TXNIP: variants seen among roughly 807,000 people sequenced by gnomAD.
TXNIP encodes thioredoxin-interacting protein.
TXNIP carries 23 observed loss-of-function variants against 43.9 expected under a neutral mutation model. The observed-to-expected ratio is 0.52, with a 90% CI of 0.38 to 0.74. The LOEUF (loss-of-function observed/expected upper bound fraction) is 0.74. Among genes scored for constraint, TXNIP ranks in the 30% least tolerant of loss-of-function variants. The probability of loss-of-function intolerance (pLI) is 0.00; values close to 1 mark genes in which losing one functional copy is unlikely to be tolerated. For missense variants in TXNIP, 555 were observed against 485.4 expected, an observed-to-expected ratio of 1.14 and a Z score of -1.35; for synonymous variants, 234 against 172.2, an observed-to-expected ratio of 1.36 and a Z score of -2.81.
In TXNIP at chr1:145,993,807, A is replaced by G. The variant is rs1553765761; in HGVS notation, c.*44T>C. The G allele has an allele frequency of 1.2e-6, 2 of 1,612,334 alleles. No homozygotes were observed. The highest frequency in any genetic ancestry group is 1.7e-6 in the Non-Finnish European group (2 of 1,178,746). ...AAAGTGAGTGTCCAGGAAGAGAGAC[A>G]AAAAGAAACAAGTAGGTAAAGCTGC... On this transcript the variant is annotated 3_prime_UTR_variant, in exon 8 of 8. Coordinates refer to ENST00000582401, the MANE Select transcript of TXNIP (RefSeq NM_006472.6).
chr1:145,994,654 G>C lies in TXNIP; in HGVS notation c.721C>G (p.His241Asp). The change falls in exon 5 of 8, where the codon CAT becomes GAT. Residue 241 changes from histidine to aspartate, a missense_variant. By Grantham distance (81) the His-to-Asp change is moderately conservative. Transcript: ENST00000582401. The part of the protein sequence containing the change: ...TQKLSSVRGN[H>D]IISGTCASWR... ...GATGCGCATGTCCCTGAGATAATATGATTGCCTCTGACTGATGACAACTTC... is the reference window on the plus strand; with the variant it reads ...GATGCGCATGTCCCTGAGATAATATCATTGCCTCTGACTGATGACAACTTC... The C allele has an allele frequency of 6.2e-7, 1 of 1,614,190 alleles. No individual in the cohort carries two copies. Among genetic ancestry groups the C allele is most frequent in the Non-Finnish European group, 8.5e-7 (1 of 1,180,042 alleles).
In TXNIP at chr1:145,996,273, A is replaced by G; in HGVS notation, c.-7T>C. 6.2e-7 allele frequency: 1 copy of G among 1,612,504 alleles called. No homozygotes were observed. The highest frequency in any genetic ancestry group is 8.5e-7 in the Non-Finnish European group (1 of 1,178,786). ...TCTTCTTGAACATCACCATGATGGA[A>G]CTGAGTTGGTTTTAAGAGTTAGAAA... On this transcript the variant is annotated 5_prime_UTR_variant, in exon 1 of 8. Coordinates refer to ENST00000582401, the MANE Select transcript of TXNIP (RefSeq NM_006472.6).
At position 145,995,950 on chromosome 1, in the gene TXNIP, G is replaced by C. The variant is rs1275603080; in HGVS notation, c.250+67C>G. 9.5e-6 allele frequency: 15 copies of C among 1,573,510 alleles called. No individual in the cohort carries two copies. In the African/African-American group the frequency reaches 1.6e-4, roughly 17 times the overall value. On this transcript the variant is annotated intron_variant, in intron 1 of 7. Coordinates refer to ENST00000582401, the MANE Select transcript of TXNIP (RefSeq NM_006472.6). ...TGAGCAACTTAAAACATTTCGTACA[G>C]GTTTTGTGTATTCAATTCTCTTCTC...
chr1:145,996,092 C>T lies in TXNIP; in HGVS notation c.175G>A (p.Gly59Arg). 1 of 1,614,036 alleles carries T rather than the reference C, an allele frequency of 6.2e-7. No individual in the cohort carries two copies. The highest frequency in any genetic ancestry group is 8.5e-7 in the Non-Finnish European group (1 of 1,180,018). The change falls in exon 1 of 8, where the codon GGA (glycine) becomes AGA (arginine). Residue 59 changes from glycine (G) to arginine (R), a missense_variant. Physicochemically the swap from Gly to Arg is moderately radical, Grantham distance 125. Transcript: ENST00000582401. ...GAAGTCTGTTTGCACTGCTGGGATC[C>T]CTGCATCCAAAGCACTTTAGCCACT... is the stretch of plus-strand genomic sequence containing the variant. ...CGVAKVLWMQ[G>R]SQQCKQTSEY...
Position 145,994,443 on chromosome 1 carries a change from A to G in TXNIP, c.832-6T>C, listed in dbSNP as rs1553766021. On this transcript the variant is annotated splice_region_variant and splice_polypyrimidine_tract_variant and intron_variant, in intron 5 of 7. Coordinates refer to ENST00000582401, the MANE Select transcript of TXNIP (RefSeq NM_006472.6). The stretch of plus-strand genomic sequence containing the variant: ...CCAGGAACGCTAACATAGATCTAGA[A>G]AGGAAGATGGCAGTTTATTACACCA... The G allele has an allele frequency of 1.2e-6, 2 of 1,613,552 alleles. No individual in the cohort carries two copies. The highest frequency in any genetic ancestry group is 1.7e-6 in the Non-Finnish European group (2 of 1,179,760).
In TXNIP at chr1:145,995,439, TTTG is replaced by T; in HGVS notation, c.285_287del (p.Asn95del). The T allele has an allele frequency of 6.2e-7, 1 of 1,614,194 alleles. No individual in the cohort carries two copies. The highest frequency in any genetic ancestry group is 8.5e-7 in the Non-Finnish European group (1 of 1,180,016). ...GCTCAAAGCCGAACTTGTACTCATATTTGTTTCCAGGTCTCATGATCACCATCT... is the reference window on the plus strand; with the variant it reads ...GCTCAAAGCCGAACTTGTACTCATATTTTCCAGGTCTCATGATCACCATCT... On this transcript the variant is annotated inframe_deletion, in exon 2 of 8. Coordinates refer to ENST00000582401, the MANE Select transcript of TXNIP (RefSeq NM_006472.6).
Position 145,994,641 on chromosome 1 carries a change from C to T in TXNIP, c.734G>A (p.Gly245Glu). The change falls in exon 5 of 8, where the codon GGG becomes GAG. Residue 245 changes from glycine (G) to glutamate (E), a missense_variant. Gly to Glu is a moderately conservative substitution (Grantham distance 98). Transcript: ENST00000582401. ...SSVRGNHIIS[G>E]TCASWRGKSL... ...CTTGCCACGCCATGATGCGCATGTC[C>T]CTGAGATAATATGATTGCCTCTGAC... 2 of 1,614,170 alleles carry T rather than the reference C, an allele frequency of 1.2e-6. No homozygotes were observed. The highest frequency in any genetic ancestry group is 1.7e-6 in the Non-Finnish European group (2 of 1,180,042).
chr1:145,995,943 TCG>T (rs1651494824), intron 1 of TXNIP, 72 bp downstream of exon 1: 20 of 1,552,120 alleles, frequency 1.3e-5, no homozygotes, highest in Non-Finnish European at 1.6e-5. Flanking sequence ...TTAAAACATT[TCG>T]TACAGGTTTT....
Position 145,996,021 on chromosome 1 carries a change from T to C in TXNIP, c.246A>G (p.Pro82=). 6.2e-7 allele frequency: 1 copy of C among 1,613,332 alleles called. No individual in the cohort carries two copies. Among genetic ancestry groups the C allele is most frequent in the Non-Finnish European group, 8.5e-7 (1 of 1,179,806 alleles). Residue 82 remains proline, a synonymous_variant, in exon 1 of 8, where the codon CCA becomes CCG. Coordinates refer to ENST00000582401, the MANE Select transcript of TXNIP (RefSeq NM_006472.6). The part of the protein sequence containing the change: ...YEDTLLLEDQ[P]TGENEMVIMR... ...ACAATGAATTGGGCCGCTTACCTGTTGGCTGGTCTTCCAGAAGAAGCGTGT... is the reference window on the plus strand; with the variant it reads ...ACAATGAATTGGGCCGCTTACCTGTCGGCTGGTCTTCCAGAAGAAGCGTGT...
chr1:145,995,875 A>G, intron 1 of TXNIP, 142 bp downstream of exon 1: 1 of 1,086,350 alleles, frequency 9.2e-7, no homozygotes, highest in Non-Finnish European at 1.3e-6. Flanking sequence ...ATGTCTGCAA[A>G]TTAAAACAGA....
intron 1 of TXNIP, 80 bp from the exon 2 acceptor site, chr1:145,995,556 T>G: frequency 7.4e-7 from 1 of 1,347,278 alleles, no homozygotes; most frequent in Non-Finnish European, 1.1e-6. Flanking sequence ...AATGCTTGGG[T>G]GGCATGCAAG....
chr1:145,996,260 T>A lies in TXNIP; in HGVS notation c.7A>T (p.Met3Leu). 6.2e-7 allele frequency: 1 copy of A among 1,613,622 alleles called. No individual in the cohort carries two copies. The highest frequency in any genetic ancestry group is 1.1e-5 in the South Asian group (1 of 91,050). ...TCAAAAGACTTGATCTTCTTGAACA[T>A]CACCATGATGGAACTGAGTTGGTTT... MV[M>L]FKKIKSFEVV... Residue 3 changes from methionine (M) to leucine (L), a missense_variant, in exon 1 of 8, where the codon ATG becomes TTG. By Grantham distance (15) the Met-to-Leu change is conservative. Coordinates refer to ENST00000582401, the MANE Select transcript of TXNIP (RefSeq NM_006472.6).
chr1:145,994,323 C>CA lies in TXNIP; in HGVS notation c.945dup (p.Glu316Ter). 1 of 1,614,196 alleles carries CA rather than the reference C, an allele frequency of 6.2e-7. No individual in the cohort carries two copies. On this transcript the variant is annotated frameshift_variant, in exon 6 of 8. Coordinates refer to ENST00000582401, the MANE Select transcript of TXNIP (RefSeq NM_006472.6). LOFTEE classifies it high-confidence loss of function. ...ATGTTCAGATCTACCCAACTCATCT[C>CA]AGAGCTGGTTCGGCTGGCCATGCTG...
chr1:145,994,165 G>A lies in TXNIP; in HGVS notation c.991C>T (p.Pro331Ser), dbSNP rs782719383. The change falls in exon 7 of 8, where the codon CCT (proline) becomes TCT (serine). Residue 331 changes from proline (P) to serine (S), a missense_variant and splice_region_variant. Coordinates refer to ENST00000582401, the MANE Select transcript of TXNIP (RefSeq NM_006472.6). ...GGAATGACATCCATATAGCAGGGAG[G>A]AGCTAGAAAAGAAAATATGGCCACA... ...DLNIPDTPEA[P>S]PCYMDVIPED... The A allele has an allele frequency of 2.5e-6, 4 of 1,613,898 alleles. No homozygotes were observed. The highest frequency in any genetic ancestry group is 2.2e-5 in the South Asian group (2 of 91,032).
At position 145,994,071 on chromosome 1, in the gene TXNIP, G is replaced by A. The variant is rs782189360; in HGVS notation, c.1085C>T (p.Pro362Leu). 7.4e-6 allele frequency: 12 copies of A among 1,614,160 alleles called. No homozygotes were observed. Among genetic ancestry groups the A allele is most frequent in the Admixed American group, 1.7e-5 (1 of 60,010 alleles). ...GAACTCAGGGGCATACATAAAGATA[G>A]GGCTGTCTTGAGAGCCATCCATGTC... ...LDDMDGSQDS[P>L]IFMYAPEFKF... Residue 362 changes from proline (P) to leucine (L), a missense_variant, in exon 7 of 8, where the codon CCT (proline) becomes CTT (leucine). By Grantham distance (98) the Pro-to-Leu change is moderately conservative. Transcript: ENST00000582401.
rs587751067 is a variant in TXNIP, at chr1:145,994,022, A to G, written c.1134T>C (p.Tyr378=). 34 of 1,614,174 alleles carry G rather than the reference A, an allele frequency of 2.1e-5. No homozygotes were observed. Among genetic ancestry groups the G allele is most frequent in the African/African-American group, 1.1e-4 (8 of 75,048 alleles). Residue 378 remains tyrosine, a synonymous_variant, in exon 7 of 8, where the codon TAT becomes TAC. Coordinates refer to ENST00000582401, the MANE Select transcript of TXNIP (RefSeq NM_006472.6). ...PEFKFMPPPT[Y]TEVDPCILNN... is the part of the protein sequence containing the mutation. ...TAAAGATGACAATCCTCACCTCAGT[A>G]TAAGTCGGTGGTGGCATGAACTTGA...
chr1:145,994,534 A>G lies in TXNIP; in HGVS notation c.831+10T>C, dbSNP rs1651363577. 2 of 1,614,048 alleles carry G rather than the reference A, an allele frequency of 1.2e-6. No homozygotes were observed. The highest frequency in any genetic ancestry group is 2.7e-5 in the African/African-American group (2 of 74,934). ...AATTTCTCTGCTGAAGCCACCCTGC[A>G]TCTACCCACCAGTAAGGAATATTCA... On this transcript the variant is annotated intron_variant, in intron 5 of 7. Transcript: ENST00000582401.
rs980068913 is a variant in TXNIP, at chr1:145,993,765, A to G, written c.*86T>C. ...GGTGGACCCACACTCCATTGCAGAGACTGTTGAGTCTCTGAAAAAGTGAGT... is the reference window on the plus strand; with the variant it reads ...GGTGGACCCACACTCCATTGCAGAGGCTGTTGAGTCTCTGAAAAAGTGAGT... On this transcript the variant is annotated 3_prime_UTR_variant, in exon 8 of 8. Coordinates refer to ENST00000582401, the MANE Select transcript of TXNIP (RefSeq NM_006472.6). 1.5e-5 allele frequency: 22 copies of G among 1,508,252 alleles called. No homozygotes were observed. Among genetic ancestry groups the G allele is most frequent in the Admixed American group, 1.4e-4 (8 of 56,464 alleles). The allele number at this position is 1,508,252 out of a possible 1,614,324, so 93.4% of individuals were successfully genotyped here.
rs1553765638 is a variant in TXNIP, at chr1:145,993,125, T to G, written c.*726A>C. The G allele has an allele frequency of 1.3e-5, 2 of 152,560 alleles. No homozygotes were observed. Among genetic ancestry groups the G allele is most frequent in the Non-Finnish European group, 2.9e-5 (2 of 68,020 alleles). The allele number at this position is 152,560 out of a possible 1,614,324, so 9.5% of individuals were successfully genotyped here. A position where few individuals can be genotyped will look rare whatever the true frequency, so the allele number is the denominator to read the frequency against. On this transcript the variant is annotated 3_prime_UTR_variant, in exon 8 of 8. Transcript: ENST00000582401. ...AGAAAACCATCCTCCCATATGAAAA[T>G]ATTTGCAGTAGGAGAACACAGTGCA...
Sources: gnomAD v4.1 joint callset for allele counts on GRCh38, gnomAD v4.1.1 for gene constraint, MANE v1.5 for transcripts, NCBI Gene and HGNC (gene_info 2026-07-23, HGNC 2026-07-21) for gene names.